The following CCDC77 variants were observed in gnomAD, a reference collection of about 807,000 sequenced individuals.
CCDC77 encodes coiled-coil domain containing 77.
Under a neutral mutation model 66.8 loss-of-function variants are expected in CCDC77, and 56 were observed. The observed-to-expected ratio is 0.84, with a 90% CI of 0.68 to 1.05. The LOEUF (loss-of-function observed/expected upper bound fraction) is 1.05, where lower values mean the gene tolerates loss of function less well. CCDC77 is among the 50% of genes least tolerant of loss of function. CCDC77 has a pLI of 0.00. For missense variants in CCDC77, 570 were observed against 576.8 expected (o/e 0.99, Z 0.12); for synonymous variants, 196 against 195.2 (o/e 1.00, Z -0.03).
At chr12:417,705 A>G (rs1407921325) in intron 4 of CCDC77, among the ~76,000 whole-genome samples, 1 of 152,136 alleles carries the variant, frequency 6.6e-6, no homozygotes, top group South Asian at 2.1e-4. Context: ...GCCTGAGCTC[A>G]GGAGTTCAAG....
intron 4 of CCDC77, among the ~76,000 whole-genome samples, chr12:417,524 A>G (rs1227875926): frequency 1.3e-5 from 2 of 152,194 alleles, no homozygotes; most frequent in African/African-American, 2.4e-5. Context: ...CTCTCTCCCC[A>G]TGAAATTCCG....
intron 10 of CCDC77, among the ~76,000 whole-genome samples, chr12:439,658 T>C (rs949311393): frequency 1.3e-5 from 2 of 151,618 alleles, no homozygotes; most frequent in Non-Finnish European, 2.9e-5. Context: ...CGGACACCTG[T>C]AATCCCAGCT....
intron 5 of CCDC77, among the ~76,000 whole-genome samples, chr12:424,128 A>T (rs1180570788): frequency 6.6e-6 from 1 of 151,544 alleles, no homozygotes; most frequent in African/African-American, 2.4e-5. Context: ...GTGCCACTAC[A>T]CCTGGCTAAT....
chr12:415,306 ATATTATG>A, intron 4 of CCDC77, among the ~76,000 whole-genome samples: 1 of 100,304 alleles, frequency 1.0e-5, no homozygotes, highest in East Asian at 2.7e-4. Flanking sequence ...AATCAACATA[ATATTATG>A]TTAATATAAT....
chr12:433,072 G>A, intron 8 of CCDC77, 102 bp from the exon 9 acceptor site: 1 of 1,220,494 alleles, frequency 8.2e-7, no homozygotes, highest in Non-Finnish European at 1.2e-6. Flanking sequence ...GTTTTTGTTT[G>A]TGTTTGTTTT....
chr12:413,904 A>G (rs1483009696), intron 4 of CCDC77, among the ~76,000 whole-genome samples: 1 of 151,702 alleles, frequency 6.6e-6, no homozygotes, highest in Non-Finnish European at 1.5e-5. Context: ...CTGGGATTAC[A>G]GGCGTGAGCC....
At chr12:409,280 G>A (rs772509541) in intron 2 of CCDC77, 88 bp from the exon 3 acceptor site, 12 of 831,546 alleles carry the variant, frequency 1.4e-5, no homozygotes, top group Non-Finnish European at 2.2e-5. Context: ...CAAATATGAT[G>A]ATGTTGAAGA....
chr12:441,003 G>T lies in CCDC77; in HGVS notation c.1320+7G>T. ...GGAGCAAATGTTGTATAAGGTAATT[G>T]CTGGTCCTGAATTGCCACGAGGGAG... On this transcript the variant is annotated splice_region_variant and intron_variant, in intron 12 of 12. Coordinates refer to ENST00000239830, the MANE Select transcript of CCDC77 (RefSeq NM_032358.4). The T allele has an allele frequency of 6.2e-7, 1 of 1,608,592 alleles. No homozygotes were observed. The highest frequency in any genetic ancestry group is 8.5e-7 in the Non-Finnish European group (1 of 1,179,880).
Position 409,232 on chromosome 12 carries a change from A to C in CCDC77, c.-16-136A>C, listed in dbSNP as rs558511121. On this transcript the variant is annotated intron_variant, in intron 2 of 12. Coordinates refer to ENST00000239830, the MANE Select transcript of CCDC77 (RefSeq NM_032358.4). ...TCTCAAAAAAAAAAAAAAGAAAAAA[A>C]AAACTACATTTTAAAACATCAGATT... The C allele has an allele frequency of 6.5e-5, 44 of 676,452 alleles. No individual in the cohort carries two copies. The South Asian group carries it at 8.3e-4, about 13-fold the overall frequency. 41.9% of individuals were successfully genotyped at this position (676,452 alleles called of 1,614,324 possible). A position where few individuals can be genotyped will look rare whatever the true frequency, so the allele number is the denominator to read the frequency against.
intron 1 of CCDC77, among the ~76,000 whole-genome samples, chr12:392,571 G>GC (rs987058686): frequency 4.6e-4 from 70 of 151,928 alleles, no homozygotes; most frequent in Middle Eastern, 3.4e-3. Context: ...TGGAGAAACC[G>GC]CATCTCTACT....
Position 438,435 on chromosome 12 carries a change from G to A in CCDC77, c.922G>A (p.Asp308Asn). The change falls in exon 10 of 13, where the codon GAT (aspartate) becomes AAT (asparagine). Residue 308 changes from aspartate to asparagine, a missense_variant. Transcript: ENST00000239830. Reference sequence around the variant, plus strand: ...AGAGAAGTCATGGATGCTTGAAAAAGATAATTTGATGTCAAAGATTAAGCA... The same window carrying A: ...AGAGAAGTCATGGATGCTTGAAAAAAATAATTTGATGTCAAAGATTAAGCA... ...NKEKSWMLEKDNLMSKIKQYR... is the reference protein window; with the variant it reads ...NKEKSWMLEKNNLMSKIKQYR... The A allele has an allele frequency of 6.2e-7, 1 of 1,613,812 alleles. No homozygotes were observed. The highest frequency in any genetic ancestry group is 8.5e-7 in the Non-Finnish European group (1 of 1,179,786).
At chr12:400,868 A>C (rs186024476), upstream of CCDC77, among the ~76,000 whole-genome samples, 25 of 152,298 alleles carry the variant, frequency 1.6e-4, no homozygotes, top group East Asian at 7.7e-4. Flanking sequence ...GTTGCCACAA[A>C]CCTTACATTT....
At position 427,133 on chromosome 12, in the gene CCDC77, T is replaced by C. The variant is rs554650089; in HGVS notation, c.414-1636T>C. On this transcript the variant is annotated intron_variant, in intron 5 of 12. Coordinates refer to ENST00000239830, the MANE Select transcript of CCDC77 (RefSeq NM_032358.4). Reference sequence around the variant, plus strand: ...TGTGGCATGCGCCTGTAGTCCCAGCTACTCGGGAGGCTGAAGCAGGAGAAT... The same window carrying C: ...TGTGGCATGCGCCTGTAGTCCCAGCCACTCGGGAGGCTGAAGCAGGAGAAT... Among the ~76,000 whole-genome samples, 4 of 152,110 alleles carry C rather than the reference T, an allele frequency of 2.6e-5. No individual in the cohort carries two copies. In the South Asian group the frequency reaches 6.2e-4, roughly 24 times the overall value.
At chr12:438,141 G>T (rs532229711) in intron 9 of CCDC77, among the ~76,000 whole-genome samples, 194 bp from the exon 10 acceptor site, 1 of 152,276 alleles carries the variant, frequency 6.6e-6, no homozygotes, top group South Asian at 2.1e-4. Context: ...GTGAGCATGG[G>T]TAGATACATT....
intron 5 of CCDC77, among the ~76,000 whole-genome samples, chr12:419,175 A>T (rs890729933): frequency 7.2e-5 from 11 of 152,186 alleles, no homozygotes; most frequent in African/African-American, 2.4e-4. Context: ...ATACTGTGGT[A>T]ACAGAAGCCT....
chr12:441,353 C>T (rs1043471849), intron 12 of CCDC77, among the ~76,000 whole-genome samples: 3 of 152,122 alleles, frequency 2.0e-5, no homozygotes, highest in Non-Finnish European at 2.9e-5. Context: ...GAATACAAGT[C>T]GCCTCAAGAG....
intron 5 of CCDC77, among the ~76,000 whole-genome samples, chr12:427,105 CATT>C (rs1565573743): frequency 1.3e-5 from 2 of 152,054 alleles, no homozygotes; most frequent in Non-Finnish European, 2.9e-5. Flanking sequence ...ATTAGCTGGG[CATT>C]GTGGCATGCG....
chr12:398,592 T>C (rs1020894629), upstream of CCDC77, among the ~76,000 whole-genome samples: 2 of 151,934 alleles, frequency 1.3e-5, no homozygotes, highest in African/African-American at 4.8e-5. Flanking sequence ...TCTAGTTCTC[T>C]TGCTACTTCC....
At chr12:418,750 A>G in intron 5 of CCDC77, 114 bp downstream of exon 5, 1 of 1,177,266 alleles carries the variant, frequency 8.5e-7, no homozygotes, top group Non-Finnish European at 1.2e-6. Flanking sequence ...CCCAGGCTGG[A>G]GTACAGTGGC....
Sources: gnomAD v4.1 joint callset for allele counts (sites outside exome capture counted in the v4.1 genomes callset) on GRCh38, gnomAD v4.1.1 for gene constraint, MANE v1.5 for transcripts, NCBI Gene and HGNC (gene_info 2026-07-23, HGNC 2026-07-21) for gene names.